Variants in NUDT9 observed in about 807,000 individuals in gnomAD.
The protein encoded by NUDT9 is ADP-ribose pyrophosphatase.
NUDT9 carries 31 observed loss-of-function variants against 41.0 expected under a neutral mutation model. The observed-to-expected ratio is 0.76, with a 90% CI of 0.57 to 1.02. NUDT9 has a LOEUF of 1.02. Among genes scored for constraint, NUDT9 ranks in the 50% least tolerant of loss-of-function variants. The pLI, the probability that NUDT9 is intolerant of heterozygous loss-of-function variation, is 0.00. For missense variants in NUDT9, 380 were observed against 431.4 expected, an observed-to-expected ratio of 0.88 and a Z score of 1.06; for synonymous variants, 146 against 147.6, an observed-to-expected ratio of 0.99 and a Z score of 0.08.
Position 87,425,517 on chromosome 4 carries a change from C to T in NUDT9, c.107+2505C>T, listed in dbSNP as rs10002390. The stretch of plus-strand genomic sequence containing the variant: ...TCTAGTGATTCTCCTGCCCCAGCCT[C>T]CCTAGTAGCTAGGATTACAGGCGCC... On this transcript the variant is annotated intron_variant, in intron 1 of 7. Transcript: ENST00000302174. Among the ~76,000 whole-genome samples, 417 of 150,564 alleles carry T rather than the reference C, an allele frequency of 2.8e-3. 1 individual carries two copies. Among genetic ancestry groups the T allele is most frequent in the African/African-American group, 9.6e-3 (393 of 41,008 alleles).
intron 2 of NUDT9, among the ~76,000 whole-genome samples, chr4:87,437,557 TG>T (rs1722006389): frequency 6.6e-6 from 1 of 151,804 alleles, no homozygotes. Context: ...TTAGCCAGGA[TG>T]GTCTTGATCT....
chr4:87,444,916 CATTA>C (rs1722378679), intron 4 of NUDT9, among the ~76,000 whole-genome samples: 1 of 152,038 alleles, frequency 6.6e-6, no homozygotes, highest in African/African-American at 2.4e-5. Flanking sequence ...CTCAATAATG[CATTA>C]ATTAATAATT....
intron 3 of NUDT9, among the ~76,000 whole-genome samples, chr4:87,440,294 C>T (rs536321100): frequency 6.6e-6 from 1 of 152,320 alleles, no homozygotes; most frequent in African/African-American, 2.4e-5. Flanking sequence ...AGCAAAAATG[C>T]AGCTAACTTG....
chr4:87,443,837 G>A (rs192374040), intron 4 of NUDT9, among the ~76,000 whole-genome samples: 110 of 152,296 alleles, frequency 7.2e-4, no homozygotes, highest in Non-Finnish European at 1.3e-3. Context: ...GTTAATTTTT[G>A]TGCAGTTTTA....
chr4:87,423,824 T>A (rs1337297881), intron 1 of NUDT9, among the ~76,000 whole-genome samples: 1 of 152,226 alleles, frequency 6.6e-6, no homozygotes, highest in Non-Finnish European at 1.5e-5. Flanking sequence ...CTTTTGGCTC[T>A]GTACCAGGTT....
intron 7 of NUDT9, among the ~76,000 whole-genome samples, chr4:87,457,033 C>T (rs1421329052): frequency 6.6e-6 from 1 of 152,062 alleles, no homozygotes; most frequent in Non-Finnish European, 1.5e-5. Context: ...AGAGGAATTA[C>T]TGGATTGCTT....
At position 87,435,038 on chromosome 4, in the gene NUDT9, T is replaced by G; in HGVS notation, c.165T>G (p.Asn55Lys). Reference sequence around the variant, plus strand: ...ATACCAACGTCATGTCTGGTTCTAATGGTTCCAAAGAAAATTCTCACAATA... The same window carrying G: ...ATACCAACGTCATGTCTGGTTCTAAGGGTTCCAAAGAAAATTCTCACAATA... ...HLNTNVMSGS[N>K]GSKENSHNKA... Residue 55 changes from asparagine to lysine, a missense_variant, in exon 2 of 8, where the codon AAT (asparagine) becomes AAG (lysine). Transcript: ENST00000302174. 6.2e-7 allele frequency: 1 copy of G among 1,614,110 alleles called. No homozygotes were observed. The highest frequency in any genetic ancestry group is 8.5e-7 in the Non-Finnish European group (1 of 1,179,970).
intron 7 of NUDT9, among the ~76,000 whole-genome samples, chr4:87,457,228 T>C (rs1350673908): frequency 1.3e-5 from 2 of 148,190 alleles, no homozygotes; most frequent in African/African-American, 4.9e-5. Context: ...ATTTTTTTGA[T>C]AATTTAAATT....
At chr4:87,439,446 A>G (rs1322581061) in intron 3 of NUDT9, among the ~76,000 whole-genome samples, 1 of 152,174 alleles carries the variant, frequency 6.6e-6, no homozygotes, top group Non-Finnish European at 1.5e-5. Context: ...ACCTGAGATC[A>G]GGAGTTGAAG....
intron 6 of NUDT9, among the ~76,000 whole-genome samples, chr4:87,452,023 G>C (rs1413030652): frequency 6.7e-6 from 1 of 149,404 alleles, no homozygotes; most frequent in African/African-American, 2.5e-5. Flanking sequence ...TTTTTTTTGA[G>C]ATGGAGTCTC....
In NUDT9 at chr4:87,422,948, C is replaced by A. The variant is rs1178273200; in HGVS notation, c.43C>A (p.Leu15Ile). ...LLGKALAAVS[L>I]SLALASVTIR... The stretch of plus-strand genomic sequence containing the variant: ...GGGAAAGGCTTTAGCCGCGGTGTCT[C>A]TCTCTCTGGCCTTGGCCTCTGTGAC... Residue 15 changes from leucine to isoleucine, a missense_variant, in exon 1 of 8, where the codon CTC becomes ATC. Leu to Ile is a conservative substitution (Grantham distance 5, BLOSUM62 2). Transcript: ENST00000302174. The A allele has an allele frequency of 6.2e-7, 1 of 1,612,798 alleles. No individual in the cohort carries two copies. Among genetic ancestry groups the A allele is most frequent in the Non-Finnish European group, 8.5e-7 (1 of 1,179,736 alleles).
chr4:87,436,750 A>C (rs149763232), intron 2 of NUDT9, among the ~76,000 whole-genome samples: 4 of 152,278 alleles, frequency 2.6e-5, no homozygotes, highest in African/African-American at 9.6e-5. Flanking sequence ...AAATGTATGG[A>C]TCATTGAAAT....
intron 6 of NUDT9, among the ~76,000 whole-genome samples, chr4:87,452,809 GTTT>G (rs376368372): frequency 1.4e-4 from 15 of 110,866 alleles, no homozygotes; most frequent in South Asian, 6.2e-4. Context: ...AAATAACAGA[GTTT>G]TTTTTTTTTT....
rs541168931 is a variant in NUDT9 at position 87,449,989 on chromosome 4, A to G, written c.642+736A>G. 5.3e-4 allele frequency among the ~76,000 whole-genome samples: 81 copies of G among 152,066 alleles called. 1 individual carries two copies. The South Asian group carries it at 0.017, about 31-fold the overall frequency. ...GCAATTCTTGTGCCTCAGTCTCCCA[A>G]CGTAGCTGGGATTACAAGTGTGTGC... On this transcript the variant is annotated intron_variant, in intron 5 of 7. Coordinates refer to ENST00000302174, the MANE Select transcript of NUDT9 (RefSeq NM_024047.5).
Position 87,454,850 on chromosome 4 carries a change from T to A in NUDT9, c.874+395T>A, listed in dbSNP as rs1722917610. ...ATTTATATCTTACTATTTCAAATAT[T>A]TTTATAATAATCTTGGATTGTTAAT... On this transcript the variant is annotated intron_variant, in intron 7 of 7. Transcript: ENST00000302174. 2.6e-5 allele frequency among the ~76,000 whole-genome samples: 4 copies of A among 152,296 alleles called. No homozygotes were observed. The South Asian group carries it at 8.3e-4, about 32-fold the overall frequency.
intron 1 of NUDT9, among the ~76,000 whole-genome samples, chr4:87,432,458 C>T (rs1721729783): frequency 6.6e-6 from 1 of 152,126 alleles, no homozygotes; most frequent in African/African-American, 2.4e-5. Flanking sequence ...TCTTCCTTTC[C>T]AATGTGGATA....
rs776618357 is a variant in NUDT9, at chr4:87,435,046, A to G, written c.173A>G (p.Lys58Arg). Residue 58 changes from lysine to arginine, a missense_variant, in exon 2 of 8, where the codon AAA (lysine) becomes AGA (arginine). Lys to Arg is a conservative substitution (Grantham distance 26). Coordinates refer to ENST00000302174, the MANE Select transcript of NUDT9 (RefSeq NM_024047.5). Reference protein sequence around the residue: ...TNVMSGSNGSKENSHNKARTS... With the variant: ...TNVMSGSNGSRENSHNKARTS... ...GTCATGTCTGGTTCTAATGGTTCCA[A>G]AGAAAATTCTCACAATAAGGCTCGG... The G allele has an allele frequency of 2.5e-6, 4 of 1,614,154 alleles. No homozygotes were observed. The highest frequency in any genetic ancestry group is 2.5e-6 in the Non-Finnish European group (3 of 1,180,022).
chr4:87,456,827 G>C (rs567152415), intron 7 of NUDT9, among the ~76,000 whole-genome samples: 2 of 152,088 alleles, frequency 1.3e-5, no homozygotes, highest in Non-Finnish European at 2.9e-5. Flanking sequence ...GGTACTCGGG[G>C]GGCTGAGGCA....
At chr4:87,451,340 A>G (rs1722700140) in intron 5 of NUDT9, among the ~76,000 whole-genome samples, 1 of 152,190 alleles carries the variant, frequency 6.6e-6, no homozygotes, top group Non-Finnish European at 1.5e-5. Flanking sequence ...CGAGTTTGGC[A>G]AGTACCAGGA....
Sources: gnomAD v4.1 joint callset for allele counts (sites outside exome capture counted in the v4.1 genomes callset) on GRCh38, gnomAD v4.1.1 for gene constraint, MANE v1.5 for transcripts, NCBI Gene and HGNC (gene_info 2026-07-23, HGNC 2026-07-21) for gene names.